RELN: variants seen among roughly 807,000 people sequenced by gnomAD.
RELN encodes reelin.
RELN carries 108 observed loss-of-function variants against 427.6 expected under a neutral mutation model. That is an observed-to-expected ratio of 0.25 (90% CI 0.22 to 0.30). The LOEUF (loss-of-function observed/expected upper bound fraction) is 0.30. Ranked by LOEUF, RELN falls within the 10% of genes least tolerant of loss-of-function variation. The pLI, the probability that RELN is intolerant of heterozygous loss-of-function variation, is 1.00. For synonymous variants in RELN, 1,524 were observed against 1,513.4 expected (o/e 1.01, Z -0.16); for missense variants, 3,715 against 4,302.8 (o/e 0.86, Z 3.82).
At chr7:103,967,572 T>A (rs1796684513) in intron 1 of RELN, among the ~76,000 whole-genome samples, 1 of 152,122 alleles carries the variant, frequency 6.6e-6, no homozygotes, top group Non-Finnish European at 1.5e-5. Context: ...ACCTGATAAA[T>A]GTTCAGTGGC....
At chr7:103,773,370 C>T (rs200243815) in intron 4 of RELN, among the ~76,000 whole-genome samples, 143 of 3,926 alleles carry the variant, frequency 0.036, 6 homozygotes, top group African/African-American at 0.052. Flanking sequence ...TCTCTCTCTC[C>T]CTCCCTCCCT....
chr7:103,503,068 T>C lies in RELN; in HGVS notation c.8437A>G (p.Thr2813Ala), dbSNP rs559898276. 6.2e-7 allele frequency: 1 copy of C among 1,614,160 alleles called. No individual in the cohort carries two copies. The highest frequency in any genetic ancestry group is 8.5e-7 in the Non-Finnish European group (1 of 1,180,026). ...SVSQPSVFFP[T>A]KGWKRITYPL... Reference sequence around the variant, plus strand: ...TAGGTGATCCTTTTCCACCCTTTAGTTGGAAAGAATACAGATGGCTGAGAA... The same window carrying C: ...TAGGTGATCCTTTTCCACCCTTTAGCTGGAAAGAATACAGATGGCTGAGAA... The change falls in exon 52 of 65, where the codon ACT (threonine) becomes GCT (alanine). Residue 2813 changes from threonine to alanine, a missense_variant. Physicochemically the swap from Thr to Ala is moderately conservative, Grantham distance 58. Transcript: ENST00000428762.
chr7:103,661,914 C>T (rs1413628510), intron 11 of RELN, among the ~76,000 whole-genome samples: 5 of 152,052 alleles, frequency 3.3e-5, no homozygotes, highest in Non-Finnish European at 7.4e-5. Context: ...AATATAAATA[C>T]TTGTATGATG....
At position 103,953,806 on chromosome 7, in the gene RELN, C is replaced by A. The variant is rs373801232; in HGVS notation, c.226+35325G>T. On this transcript the variant is annotated intron_variant, in intron 1 of 64. Coordinates refer to ENST00000428762, the MANE Select transcript of RELN (RefSeq NM_005045.4). This position sits in a 1 kb window ranked among gnomAD's most constrained non-coding sequence, Gnocchi z 4.3. The stretch of plus-strand genomic sequence containing the variant: ...AATTATCCAGGTGTGGTGGCACACG[C>A]CTATAATCCCAACTACTCGGGAGAC... Among the ~76,000 whole-genome samples the A allele has an allele frequency of 4.6e-5, 7 of 152,002 alleles. No individual in the cohort carries two copies. The South Asian group carries it at 1.0e-3, about 23-fold the overall frequency.
Position 103,895,176 on chromosome 7 carries a change from C to A in RELN, c.337+21899G>T, listed in dbSNP as rs145782170. On this transcript the variant is annotated intron_variant, in intron 2 of 64. Transcript: ENST00000428762. ...AAAAACAGTGTTTCTTTCCAATTATCGCAGAACTCAGTGATTATTTAAACT... is the reference window on the plus strand; with the variant it reads ...AAAAACAGTGTTTCTTTCCAATTATAGCAGAACTCAGTGATTATTTAAACT... Among the ~76,000 whole-genome samples the A allele has an allele frequency of 2.7e-3, 405 of 152,156 alleles. 2 individuals are homozygous for A. Among genetic ancestry groups the A allele is most frequent in the African/African-American group, 9.3e-3 (387 of 41,534 alleles).
intron 8 of RELN, among the ~76,000 whole-genome samples, chr7:103,710,061 T>C (rs1419569151): frequency 6.6e-6 from 1 of 152,232 alleles, no homozygotes; most frequent in Non-Finnish European, 1.5e-5. Flanking sequence ...AATCTAAGTG[T>C]AATGTTCAAT....
At chr7:103,610,616 T>C (rs1831928188) in intron 22 of RELN, 79 bp downstream of exon 22, 1 of 801,552 alleles carries the variant, frequency 1.2e-6, no homozygotes, top group Non-Finnish European at 2.2e-6. Context: ...AAGTCATACT[T>C]GAATCAATAG....
chr7:103,829,439 A>ATAGT (rs772417022), intron 3 of RELN, among the ~76,000 whole-genome samples: 24 of 151,998 alleles, frequency 1.6e-4, no homozygotes, highest in Non-Finnish European at 3.1e-4. Context: ...GAGACTTACT[A>ATAGT]GTCACTGAAG....
At chr7:103,501,682 GATGT>G (rs1325427425) in intron 52 of RELN, among the ~76,000 whole-genome samples, 6 of 152,294 alleles carry the variant, frequency 3.9e-5, no homozygotes, top group Admixed American at 2.6e-4. Context: ...GAACAATTAA[GATGT>G]ATGTATTTTA....
chr7:103,637,366 A>C (rs577501876), intron 17 of RELN, among the ~76,000 whole-genome samples: 1 of 152,292 alleles, frequency 6.6e-6, no homozygotes, highest in Admixed American at 6.5e-5. Context: ...TGAAGTCTGA[A>C]ACAAGCCTTT....
In RELN at chr7:103,989,413, T is replaced by A; in HGVS notation, c.-57A>T. The stretch of plus-strand genomic sequence containing the variant: ...CTACGCGCCGCTCGCTCATTCAGTT[T>A]TGGAGACGCCGGGACGGAGGAGCCA... On this transcript the variant is annotated 5_prime_UTR_variant, in exon 1 of 65. Coordinates refer to ENST00000428762, the MANE Select transcript of RELN (RefSeq NM_005045.4). The surrounding 1 kb of genome is among the most constrained non-coding windows in gnomAD (Gnocchi z 4.9). 7.4e-7 allele frequency: 1 copy of A among 1,359,650 alleles called. No individual in the cohort carries two copies. Among genetic ancestry groups the A allele is most frequent in the Non-Finnish European group, 9.4e-7 (1 of 1,060,472 alleles). 84.2% of individuals were successfully genotyped at this position (1,359,650 alleles called of 1,614,324 possible).
chr7:103,892,211 C>G (rs4729937), intron 2 of RELN, among the ~76,000 whole-genome samples: 61,315 of 151,984 alleles, frequency 0.4, 13,406 homozygotes, highest in East Asian at 0.83. Flanking sequence ...AGGTGACCTT[C>G]GAAGCCTTAT....
At chr7:103,971,844 G>A (rs1045223054) in intron 1 of RELN, among the ~76,000 whole-genome samples, 26 of 135,386 alleles carry the variant, frequency 1.9e-4, no homozygotes, top group African/African-American at 6.2e-4. Flanking sequence ...AAGCTGAAGC[G>A]GGAGGATCAT....
chr7:103,596,701 A>T lies in RELN; in HGVS notation c.3334-40T>A, dbSNP rs779277411. 6 of 1,571,220 alleles carry T rather than the reference A, an allele frequency of 3.8e-6. No individual in the cohort carries two copies. The East Asian group carries it at 1.3e-4, about 35-fold the overall frequency. ...GAAAAATCAAATTCAGTAATCTGGGAGTTCTTTGGCATTTTGTTGTTTCAG... is the reference window on the plus strand; with the variant it reads ...GAAAAATCAAATTCAGTAATCTGGGTGTTCTTTGGCATTTTGTTGTTTCAG... On this transcript the variant is annotated intron_variant, in intron 24 of 64. Coordinates refer to ENST00000428762, the MANE Select transcript of RELN (RefSeq NM_005045.4).
At chr7:103,660,975 C>T (rs544842055) in intron 12 of RELN, among the ~76,000 whole-genome samples, 27 of 152,268 alleles carry the variant, frequency 1.8e-4, no homozygotes, top group African/African-American at 5.8e-4. Flanking sequence ...CAGCTTCCTA[C>T]TACAAAAGAG....
At chr7:103,972,628 C>A (rs969053798) in intron 1 of RELN, among the ~76,000 whole-genome samples, 12 of 152,030 alleles carry the variant, frequency 7.9e-5, no homozygotes, top group African/African-American at 2.9e-4. Flanking sequence ...GGCCATCATC[C>A]ATCAAAGACT....
In RELN at chr7:103,603,346, C is replaced by G; in HGVS notation, c.3291G>C (p.Gly1097=). ...IGGEIVKPEQ[G]CGVISSGSSL... ...ATGATCCAGAAGAGATGACACCACA[C>G]CCTTGTTCTGGTTTTACAATTTCTC... Residue 1097 remains glycine, a synonymous_variant, in exon 24 of 65, where the codon GGG becomes GGC. Transcript: ENST00000428762. The surrounding 1 kb of genome is among the most constrained non-coding windows in gnomAD (Gnocchi z 4.3). The G allele has an allele frequency of 1.2e-6, 2 of 1,613,922 alleles. No homozygotes were observed. The highest frequency in any genetic ancestry group is 4.5e-5 in the East Asian group (2 of 44,872).
intron 25 of RELN, 92 bp from the exon 26 acceptor site, chr7:103,594,584 A>G: frequency 5.8e-6 from 8 of 1,376,852 alleles, no homozygotes; most frequent in Non-Finnish European, 8.2e-6. Context: ...CAACAAGAGA[A>G]AAGTTTTGTT....
At chr7:103,887,918 T>A (rs1794760078) in intron 2 of RELN, among the ~76,000 whole-genome samples, 1 of 152,132 alleles carries the variant, frequency 6.6e-6, no homozygotes, top group Admixed American at 6.5e-5. Flanking sequence ...AGCCATAAAA[T>A]GGCAAAATAA....
Sources: gnomAD v4.1 joint callset for allele counts (sites outside exome capture counted in the v4.1 genomes callset) on GRCh38, gnomAD v4.1.1 for gene constraint, Gnocchi (gnomAD v3.1) non-coding constraint, MANE v1.5 for transcripts, NCBI Gene and HGNC (gene_info 2026-07-23, HGNC 2026-07-21) for gene names.